GFRA1: variants seen among roughly 807,000 people sequenced by gnomAD.
GFRA1 encodes the protein GDNF family receptor alpha 1.
A neutral mutation model predicts 51.6 loss-of-function variants in GFRA1; 16 were observed. The observed-to-expected ratio is 0.31, with a 90% confidence interval of 0.21 to 0.47. The LOEUF (loss-of-function observed/expected upper bound fraction) is 0.47. GFRA1 is among the 20% of genes least tolerant of loss of function. The pLI, the probability that GFRA1 is intolerant of heterozygous loss-of-function variation, is 1.00. For missense variants in GFRA1, 530 were observed against 594.3 expected (o/e 0.89, Z 1.13); for synonymous variants, 270 against 241.3 (o/e 1.12, Z -1.10).
intron 6 of GFRA1, among the ~76,000 whole-genome samples, chr10:116,119,189 T>G (rs889935574): frequency 2.0e-5 from 3 of 152,024 alleles, no homozygotes; most frequent in Non-Finnish European, 4.4e-5. Flanking sequence ...CCCCTCCCCA[T>G]GGGATGGAGT....
chr10:116,151,292 C>T (rs1959054889), intron 5 of GFRA1, among the ~76,000 whole-genome samples: 1 of 152,178 alleles, frequency 6.6e-6, no homozygotes, highest in Admixed American at 6.5e-5. Context: ...CTGTTAGCCA[C>T]AATCAAGAAA....
At chr10:116,202,812 G>C (rs1399328425) in intron 5 of GFRA1, among the ~76,000 whole-genome samples, 1 of 152,096 alleles carries the variant, frequency 6.6e-6, no homozygotes, top group African/African-American at 2.4e-5. Flanking sequence ...TATGAGATTT[G>C]GGATTAAGGG....
At chr10:116,121,599 A>G (rs1380293370) in intron 6 of GFRA1, among the ~76,000 whole-genome samples, 2 of 152,260 alleles carry the variant, frequency 1.3e-5, no homozygotes, top group African/African-American at 2.4e-5. Flanking sequence ...GAGTTGGAAA[A>G]TATTAAATTC....
intron 5 of GFRA1, among the ~76,000 whole-genome samples, chr10:116,174,003 C>T (rs1000035230): frequency 9.2e-5 from 14 of 152,098 alleles, no homozygotes; most frequent in African/African-American, 3.1e-4. Context: ...TCTCTTGAAC[C>T]TGGGAGGCAG....
chr10:116,110,635 A>G (rs1276038379), intron 6 of GFRA1, among the ~76,000 whole-genome samples: 1 of 152,192 alleles, frequency 6.6e-6, no homozygotes, highest in African/African-American at 2.4e-5. Flanking sequence ...GGAACCCAGG[A>G]CAGAGACTGT....
Position 116,089,673 on chromosome 10 carries a change from G to T in GFRA1, c.1197+68C>A, listed in dbSNP as rs555907898. On this transcript the variant is annotated intron_variant, in intron 9 of 10. Coordinates refer to ENST00000355422, the MANE Select transcript of GFRA1 (RefSeq NM_005264.8). ...CTCTCTGCATACATTTCAGAAAATG[G>T]GTCTGCCCGTGTTTCACCCCCCCAC... is the stretch of plus-strand genomic sequence containing the variant. 4.6e-6 allele frequency: 6 copies of T among 1,297,768 alleles called. No individual in the cohort carries two copies. In the African/African-American group the frequency reaches 5.8e-5, roughly 13 times the overall value. 80.4% of individuals were successfully genotyped at this position (1,297,768 alleles called of 1,614,324 possible). A position where few individuals can be genotyped will look rare whatever the true frequency, so the allele number is the denominator to read the frequency against.
intron 4 of GFRA1, among the ~76,000 whole-genome samples, chr10:116,217,352 G>T (rs1965632572): frequency 6.6e-6 from 1 of 152,182 alleles, no homozygotes; most frequent in Non-Finnish European, 1.5e-5. Flanking sequence ...CCTACCATAG[G>T]AATATCATGA....
chr10:116,260,043 A>G (rs1390703301), intron 4 of GFRA1, among the ~76,000 whole-genome samples: 1 of 152,202 alleles, frequency 6.6e-6, no homozygotes, highest in African/African-American at 2.4e-5. Context: ...TGAGGAGAAT[A>G]CACAGTTCTG....
intron 9 of GFRA1, among the ~76,000 whole-genome samples, chr10:116,079,761 C>A (rs908166796): frequency 6.6e-6 from 1 of 152,122 alleles, no homozygotes; most frequent in African/African-American, 2.4e-5. Context: ...CCATTCAACT[C>A]ACAGCCAAGA....
intron 9 of GFRA1, among the ~76,000 whole-genome samples, chr10:116,080,508 A>AAAAAT: frequency 6.6e-6 from 1 of 152,350 alleles, no homozygotes; most frequent in South Asian, 2.1e-4. Flanking sequence ...AAAACATTTA[A>AAAAAT]AAAATAAAAG....
rs902011769 is a variant in GFRA1 at position 116,061,883 on chromosome 10, C to G, written c.*2515G>C. On this transcript the variant is annotated 3_prime_UTR_variant, in exon 11 of 11. Transcript: ENST00000355422. ...TAAGATCACACTGAATGGCGGAAAC[C>G]TTGCTTGGCTTGCTTTGATAAGAAT... 9 of 397,530 alleles carry G rather than the reference C, an allele frequency of 2.3e-5. No homozygotes were observed. The highest frequency in any genetic ancestry group is 1.6e-4 in the African/African-American group (8 of 48,608). 24.6% of individuals were successfully genotyped at this position (397,530 alleles called of 1,614,324 possible). A position where few individuals can be genotyped will look rare whatever the true frequency, so the allele number is the denominator to read the frequency against.
chr10:116,130,416 C>A (rs1287762645), intron 5 of GFRA1, among the ~76,000 whole-genome samples: 2 of 152,002 alleles, frequency 1.3e-5, no homozygotes, highest in African/African-American at 4.8e-5. Flanking sequence ...GATTCTAAAG[C>A]TTATATGGAA....
At chr10:116,212,523 AACACACACACACACAC>A (rs71010072) in intron 4 of GFRA1, among the ~76,000 whole-genome samples, 18 of 142,606 alleles carry the variant, frequency 1.3e-4, no homozygotes, top group Non-Finnish European at 1.8e-4. Flanking sequence ...TCCGTCTCAA[AACACACACACACACAC>A]ACACACACAC....
At chr10:116,089,058 C>A (rs1268621171) in intron 9 of GFRA1, among the ~76,000 whole-genome samples, 1 of 151,688 alleles carries the variant, frequency 6.6e-6, no homozygotes, top group African/African-American at 2.4e-5. Flanking sequence ...ACTCTGCTTT[C>A]GACTGAAGAC....
intron 4 of GFRA1, among the ~76,000 whole-genome samples, chr10:116,222,248 G>C (rs551725017): frequency 2.6e-5 from 4 of 152,222 alleles, no homozygotes; most frequent in African/African-American, 9.6e-5. Flanking sequence ...GCCCAGGCTG[G>C]AGTGCAGCAG....
intron 7 of GFRA1, among the ~76,000 whole-genome samples, 173 bp downstream of exon 7, chr10:116,096,482 C>CT (rs936361616): frequency 3.7e-4 from 38 of 101,410 alleles, no homozygotes; most frequent in South Asian, 9.7e-4. Context: ...TTTTTTTCTT[C>CT]TTTTTTTTTT....
chr10:116,262,521 A>C (rs1441730383), intron 4 of GFRA1, among the ~76,000 whole-genome samples: 6 of 152,146 alleles, frequency 3.9e-5, no homozygotes, highest in African/African-American at 1.4e-4. Context: ...ATATGTATAC[A>C]TGTATGTACA....
At chr10:116,146,242 T>C (rs1043212911) in intron 5 of GFRA1, among the ~76,000 whole-genome samples, 1 of 152,196 alleles carries the variant, frequency 6.6e-6, no homozygotes, top group African/African-American at 2.4e-5. Context: ...TAGAAGCATT[T>C]ACAATTTAGG....
intron 5 of GFRA1, among the ~76,000 whole-genome samples, chr10:116,206,622 C>CTTTTTTTTTTTTT (rs5788142): frequency 2.4e-5 from 2 of 84,494 alleles, no homozygotes; most frequent in Admixed American, 1.7e-4. Context: ...ACCACATTCT[C>CTTTTTTTTTTTTT]TTTTTTTTTT....
Sources: gnomAD v4.1 joint callset for allele counts (sites outside exome capture counted in the v4.1 genomes callset) on GRCh38, gnomAD v4.1.1 for gene constraint, MANE v1.5 for transcripts, NCBI Gene and HGNC (gene_info 2026-07-23, HGNC 2026-07-21) for gene names.